PRKCH: variants seen among roughly 807,000 people sequenced by gnomAD.
PRKCH encodes the protein protein kinase C eta type.
PRKCH carries 28 observed loss-of-function variants against 82.5 expected under a neutral mutation model. That is an observed-to-expected ratio of 0.34 (90% CI 0.25 to 0.47). PRKCH has a LOEUF of 0.47. PRKCH is among the 20% of genes least tolerant of loss of function. The probability of loss-of-function intolerance (pLI) is 1.00; values close to 1 mark genes in which losing one functional copy is unlikely to be tolerated. For synonymous variants in PRKCH, 322 were observed against 327.4 expected (o/e 0.98, Z 0.18); for missense variants, 705 against 881.8 (o/e 0.80, Z 2.54).
chr14:61,424,819 T>C (rs1330809300), intron 2 of PRKCH, among the ~76,000 whole-genome samples: 3 of 152,164 alleles, frequency 2.0e-5, no homozygotes, highest in Non-Finnish European at 4.4e-5. Flanking sequence ...AAGGGAAAAG[T>C]GGTTTCATGG....
At position 61,449,882 on chromosome 14, in the gene PRKCH, CTCTCTCTCTCTCTCTCTCTGTG is replaced by C. The variant is rs1330676213; in HGVS notation, c.702+632_702+653del. Among the ~76,000 whole-genome samples, 28 of 86,384 alleles carry C rather than the reference CTCTCTCTCTCTCTCTCTCTGTG, an allele frequency of 3.2e-4. 2 individuals are homozygous for C. Among genetic ancestry groups the C allele is most frequent in the Admixed American group, 2.2e-3 (14 of 6,274 alleles). The allele number at this position is 86,384 out of a possible 152,430, so 56.7% of individuals were successfully genotyped here. ...TCTCTCTCTCTCTCTCTCTCTCTCT[CTCTCTCTCTCTCTCTCTCTGTG>C]TGTGTGTGTGTGTGTGTGTATGTGT... On this transcript the variant is annotated intron_variant, in intron 5 of 13. Transcript: ENST00000332981.
chr14:61,263,260 G>T (rs1420001093), intron 1 of PRKCH, among the ~76,000 whole-genome samples: 1 of 152,000 alleles, frequency 6.6e-6, no homozygotes, highest in African/African-American at 2.4e-5. Context: ...TGATTCTACT[G>T]CTGCTGTATG....
chr14:61,439,329 G>A (rs1468717352), intron 2 of PRKCH, among the ~76,000 whole-genome samples: 2 of 152,144 alleles, frequency 1.3e-5, no homozygotes, highest in Admixed American at 1.3e-4. Context: ...TTTTGCTCAT[G>A]GCAGCAGTCT....
At chr14:61,489,205 C>T (rs922823733) in intron 10 of PRKCH, among the ~76,000 whole-genome samples, 3 of 152,146 alleles carry the variant, frequency 2.0e-5, no homozygotes, top group South Asian at 2.1e-4. Flanking sequence ...TGTCCCAGAA[C>T]GCCCTTTATC....
intron 2 of PRKCH, among the ~76,000 whole-genome samples, chr14:61,433,315 A>G (rs928093198): frequency 6.6e-6 from 1 of 152,204 alleles, no homozygotes; most frequent in African/African-American, 2.4e-5. Context: ...AAATCATGAA[A>G]CCAGAACTTG....
intron 1 of PRKCH, among the ~76,000 whole-genome samples, chr14:61,357,640 G>C (rs1353187435): frequency 6.6e-6 from 1 of 152,122 alleles, no homozygotes; most frequent in African/African-American, 2.4e-5. Context: ...AACTCCAGTG[G>C]ACACGCTATA....
At position 61,529,107 on chromosome 14, in the gene PRKCH, A is replaced by G; in HGVS notation, c.1466A>G (p.His489Arg). The G allele has an allele frequency of 6.2e-7, 1 of 1,613,838 alleles. No individual in the cohort carries two copies. Residue 489 changes from histidine (H) to arginine (R), a missense_variant, in exon 11 of 14, where the codon CAC (histidine) becomes CGC (arginine). Transcript: ENST00000332981. ...DLKLDNVLLDHEGHCKLADFG... is the reference protein window; with the variant it reads ...DLKLDNVLLDREGHCKLADFG... ...AAACTGGACAATGTCCTGTTGGACC[A>G]CGAGGGTCACTGTAAACTGGCAGAC... is the stretch of plus-strand genomic sequence containing the variant.
rs10717220 is a variant in PRKCH, at chr14:61,199,619, A to AT, written c.-19+11962dup. Reference sequence around the variant, plus strand: ...TGCTTGCTTCACTTGTTTTTGTTTCATTTTTTTTTTTACATTTATGAGGCT... The same window carrying AT: ...TGCTTGCTTCACTTGTTTTTGTTTCATTTTTTTTTTTTACATTTATGAGGCT... On this transcript the variant is annotated intron_variant, in intron 1 of 3. Transcript: ENST00000555185. 6.6e-3 allele frequency among the ~76,000 whole-genome samples: 992 copies of AT among 150,310 alleles called. 8 individuals carry two copies. The highest frequency in any genetic ancestry group is 0.024 in the Middle Eastern group (7 of 294).
intron 10 of PRKCH, among the ~76,000 whole-genome samples, chr14:61,505,133 T>C (rs941036309): frequency 6.6e-6 from 1 of 152,200 alleles, no homozygotes; most frequent in African/African-American, 2.4e-5. Flanking sequence ...CCCCACTTCT[T>C]TCATTGCTGA....
chr14:61,275,033 T>C (rs774704116), intron 1 of PRKCH, among the ~76,000 whole-genome samples: 50 of 152,232 alleles, frequency 3.3e-4, no homozygotes, highest in Admixed American at 1.2e-3. Context: ...CTGTTTTACA[T>C]GCTGTCACTT....
rs188820978 is a variant in PRKCH at position 61,368,316 on chromosome 14, A to G, written c.364-22909A>G. Reference sequence around the variant, plus strand: ...CAGTACTTCCTCACTATCCCTAGTCATGGGAAAAAAAAAAAAGAGAACCGT... The same window carrying G: ...CAGTACTTCCTCACTATCCCTAGTCGTGGGAAAAAAAAAAAAGAGAACCGT... On this transcript the variant is annotated intron_variant, in intron 1 of 13. Transcript: ENST00000332981. Among the ~76,000 whole-genome samples the G allele has an allele frequency of 6.0e-4, 91 of 150,930 alleles. No homozygotes were observed. The East Asian group carries it at 9.3e-3, about 15-fold the overall frequency.
chr14:61,269,560 A>G (rs749878591), intron 1 of PRKCH, among the ~76,000 whole-genome samples: 47 of 151,966 alleles, frequency 3.1e-4, no homozygotes, highest in Non-Finnish European at 5.0e-4. Context: ...GTTCCCCTCT[A>G]TGCGTCCATG....
intron 9 of PRKCH, among the ~76,000 whole-genome samples, chr14:61,464,977 A>G (rs943099212): frequency 2.6e-5 from 4 of 152,162 alleles, no homozygotes; most frequent in African/African-American, 7.2e-5. Context: ...GTTTTCCACA[A>G]TGGTTGAACT....
intron 1 of PRKCH, among the ~76,000 whole-genome samples, chr14:61,290,597 C>T (rs946616855): frequency 2.6e-5 from 4 of 152,190 alleles, no homozygotes; most frequent in Admixed American, 2.6e-4. Context: ...TTCCCAACAT[C>T]CCATTCTCCT....
intron 10 of PRKCH, among the ~76,000 whole-genome samples, chr14:61,515,569 G>A (rs1045940977): frequency 7.2e-5 from 11 of 152,270 alleles, no homozygotes; most frequent in East Asian, 1.9e-4. Context: ...AATAGACGAC[G>A]GTGTTGTGGC....
intron 13 of PRKCH, 51 bp from the exon 14 acceptor site, chr14:61,549,633 GT>G: frequency 6.3e-7 from 1 of 1,595,532 alleles, no homozygotes; most frequent in Non-Finnish European, 8.5e-7. Context: ...TGCAAGATGA[GT>G]AAGCCTCAAG....
intron 1 of PRKCH, among the ~76,000 whole-genome samples, chr14:61,244,682 T>C (rs146149979): frequency 6.6e-6 from 1 of 152,326 alleles, no homozygotes; most frequent in African/African-American, 2.4e-5. Context: ...GGAGCCACAG[T>C]AACGGGCATC....
At chr14:61,353,161 G>A (rs1056460892) in intron 1 of PRKCH, among the ~76,000 whole-genome samples, 2 of 152,186 alleles carry the variant, frequency 1.3e-5, no homozygotes, top group African/African-American at 4.8e-5. Flanking sequence ...TGGTGGACCT[G>A]TATAGCCAAA....
intron 10 of PRKCH, among the ~76,000 whole-genome samples, chr14:61,524,206 G>A (rs1186341325): frequency 6.6e-6 from 1 of 152,196 alleles, no homozygotes; most frequent in Non-Finnish European, 1.5e-5. Flanking sequence ...ATAGCTTATG[G>A]TGGAAACAAA....
Sources: allele counts gnomAD v4.1 joint callset (sites outside exome capture counted in the v4.1 genomes callset), GRCh38; gene constraint gnomAD v4.1.1; transcripts MANE v1.5; gene names NCBI Gene and HGNC (gene_info 2026-07-23, HGNC 2026-07-21).